Variants in TNFSF4 observed in about 807,000 individuals in gnomAD.
The protein encoded by TNFSF4 is tumor necrosis factor ligand superfamily member 4.
In TNFSF4, 4 loss-of-function variants were observed where a neutral mutation model predicts 7.3. That is an observed-to-expected ratio of 0.55 (90% confidence interval 0.27 to 1.25). TNFSF4 has a LOEUF of 1.25. Ranked by LOEUF, TNFSF4 falls within the 50% of genes most tolerant of loss-of-function variation. The pLI is 0.12. For missense variants in TNFSF4, 181 were observed against 208.8 expected, an observed-to-expected ratio of 0.87 and a Z score of 0.82; for synonymous variants, 76 against 83.7, an observed-to-expected ratio of 0.91 and a Z score of 0.50.
Position 173,190,557 on chromosome 1 carries a change from G to C in TNFSF4, c.154-1988C>G, listed in dbSNP as rs570511020. Among the ~76,000 whole-genome samples the C allele has an allele frequency of 3.3e-5, 5 of 152,348 alleles. No individual in the cohort carries two copies. In the East Asian group the frequency reaches 7.7e-4, roughly 23 times the overall value. ...TGCTGAGCACATGGAGAGAGGCACT[G>C]ACTTGGGTAGAAGCAGGAGTCTTTA... On this transcript the variant is annotated intron_variant, in intron 1 of 2. Coordinates refer to ENST00000281834, the MANE Select transcript of TNFSF4 (RefSeq NM_003326.5).
chr1:173,216,680 G>C, the TNFSF4 span, among the ~76,000 whole-genome samples: 1 of 152,020 alleles, frequency 6.6e-6, no homozygotes, highest in East Asian at 1.9e-4. Context: ...TATACAGTTT[G>C]TTCACCCCTT....
chr1:173,333,399 A>G, the TNFSF4 span, among the ~76,000 whole-genome samples: 12 of 152,128 alleles, frequency 7.9e-5, no homozygotes, highest in Non-Finnish European at 1.6e-4. Flanking sequence ...ACGTTGAGAC[A>G]TCGGTTTTTC....
the TNFSF4 span, among the ~76,000 whole-genome samples, chr1:173,212,594 A>G: frequency 6.6e-6 from 1 of 151,500 alleles, no homozygotes; most frequent in Non-Finnish European, 1.5e-5. Context: ...AAAAAAAAAG[A>G]AAGAATCAAA....
the TNFSF4 span, among the ~76,000 whole-genome samples, chr1:173,394,591 A>G: frequency 6.6e-6 from 1 of 152,342 alleles, no homozygotes; most frequent in Admixed American, 6.5e-5. Flanking sequence ...GGCATTGTCC[A>G]ATCTATTGAG....
upstream of TNFSF4, among the ~76,000 whole-genome samples, chr1:173,210,800 G>A (rs1557889421): frequency 6.6e-6 from 1 of 152,162 alleles, no homozygotes; most frequent in Non-Finnish European, 1.5e-5. Flanking sequence ...AGGGTGCTCT[G>A]TGCCAGCTGA....
chr1:173,309,280 C>T, the TNFSF4 span, among the ~76,000 whole-genome samples: 3 of 151,858 alleles, frequency 2.0e-5, no homozygotes, highest in East Asian at 5.8e-4. Flanking sequence ...ATGCAGTCAT[C>T]CTTATTTTAT....
At chr1:173,281,068 T>A in the TNFSF4 span, among the ~76,000 whole-genome samples, 1 of 152,116 alleles carries the variant, frequency 6.6e-6, no homozygotes, top group African/African-American at 2.4e-5. Context: ...TGGGGAAATA[T>A]TTTTTGCAAT....
At chr1:173,219,263 C>A in the TNFSF4 span, among the ~76,000 whole-genome samples, 1 of 152,176 alleles carries the variant, frequency 6.6e-6, no homozygotes, top group East Asian at 1.9e-4. Flanking sequence ...TTTATCACTG[C>A]ATAAGGGTGG....
At chr1:173,220,009 G>C in the TNFSF4 span, among the ~76,000 whole-genome samples, 1 of 151,760 alleles carries the variant, frequency 6.6e-6, no homozygotes, top group Admixed American at 6.6e-5. Flanking sequence ...ACTTATCCAT[G>C]TAACCAAACA....
chr1:173,409,962 ATAAACT>A, the TNFSF4 span, among the ~76,000 whole-genome samples: 1 of 152,196 alleles, frequency 6.6e-6, no homozygotes, highest in African/African-American at 2.4e-5. Context: ...TCAATAAAAC[ATAAACT>A]TAAATTTTTT....
chr1:173,238,272 AT>A, the TNFSF4 span, among the ~76,000 whole-genome samples: 1 of 152,228 alleles, frequency 6.6e-6, no homozygotes, highest in African/African-American at 2.4e-5. Flanking sequence ...AAAGACCTAA[AT>A]GCAAAACTTA....
At chr1:173,405,405 T>C in the TNFSF4 span, among the ~76,000 whole-genome samples, 8 of 152,238 alleles carry the variant, frequency 5.3e-5, no homozygotes, top group African/African-American at 1.2e-4. Context: ...AAAACTATTC[T>C]TAGTTCACAG....
the TNFSF4 span, among the ~76,000 whole-genome samples, chr1:173,381,845 G>A: frequency 0.34 from 52,226 of 151,988 alleles, 9,959 homozygotes; most frequent in Middle Eastern, 0.49. Flanking sequence ...ACCAATCAGC[G>A]CTCTGTGTCT....
At chr1:173,398,037 T>C in the TNFSF4 span, among the ~76,000 whole-genome samples, 3 of 152,236 alleles carry the variant, frequency 2.0e-5, no homozygotes, top group Admixed American at 1.3e-4. Context: ...TTTGCAGATA[T>C]TGATCTGCCA....
At chr1:173,406,412 A>C in the TNFSF4 span, among the ~76,000 whole-genome samples, 2 of 152,162 alleles carry the variant, frequency 1.3e-5, no homozygotes, top group African/African-American at 4.8e-5. Flanking sequence ...TTAAATACCT[A>C]CTATGTTCCA....
chr1:173,219,132 A>C, the TNFSF4 span, among the ~76,000 whole-genome samples: 2 of 152,206 alleles, frequency 1.3e-5, no homozygotes, highest in Admixed American at 6.5e-5. Context: ...TTAAGGCTGT[A>C]GTAGCTGATA....
chr1:173,247,936 T>C, the TNFSF4 span, among the ~76,000 whole-genome samples: 1 of 152,182 alleles, frequency 6.6e-6, no homozygotes, highest in South Asian at 2.1e-4. Flanking sequence ...ATTAAAGAAG[T>C]TCAAAGCCCT....
chr1:173,419,726 G>A, the TNFSF4 span, among the ~76,000 whole-genome samples: 1 of 152,172 alleles, frequency 6.6e-6, no homozygotes, highest in Non-Finnish European at 1.5e-5. Context: ...AAAGGAAGCA[G>A]CCCTGATTGC....
At chr1:173,391,883 A>T in the TNFSF4 span, among the ~76,000 whole-genome samples, 2 of 152,238 alleles carry the variant, frequency 1.3e-5, no homozygotes, top group African/African-American at 4.8e-5. Context: ...AATAAAAAGC[A>T]GGACCTTGTA....
Sources: allele counts gnomAD v4.1 joint callset (sites outside exome capture counted in the v4.1 genomes callset), GRCh38; gene constraint gnomAD v4.1.1; transcripts MANE v1.5; gene names NCBI Gene and HGNC (gene_info 2026-07-23, HGNC 2026-07-21).